HDAC9: variants seen among roughly 807,000 people sequenced by gnomAD.
HDAC9 encodes histone deacetylase 9.
In HDAC9, 41 loss-of-function variants were observed where a neutral mutation model predicts 139.4. The observed-to-expected ratio is 0.29, with a 90% CI of 0.23 to 0.38. The LOEUF (loss-of-function observed/expected upper bound fraction) is 0.38. Among genes scored for constraint, HDAC9 ranks in the 10% least tolerant of loss-of-function variants. HDAC9 has a pLI of 1.00. For missense variants in HDAC9, 1,147 were observed against 1,297.0 expected (o/e 0.88, Z 1.78); for synonymous variants, 517 against 476.2 (o/e 1.09, Z -1.12).
chr7:18,432,752 C>G (rs776003024), intron 1 of HDAC9, among the ~76,000 whole-genome samples: 1 of 152,036 alleles, frequency 6.6e-6, no homozygotes, highest in African/African-American at 2.4e-5. Flanking sequence ...TAGAGACCAT[C>G]CTGGCTAACA....
At chr7:18,470,728 C>T (rs527907253) in intron 1 of HDAC9, among the ~76,000 whole-genome samples, 8 of 152,156 alleles carry the variant, frequency 5.3e-5, no homozygotes, top group East Asian at 1.9e-4. Flanking sequence ...GAAGAATAGG[C>T]GGAAGGTTGA....
intron 1 of HDAC9, among the ~76,000 whole-genome samples, chr7:18,384,782 A>AC (rs974113182): frequency 6.6e-6 from 1 of 151,692 alleles, no homozygotes; most frequent in African/African-American, 2.4e-5. Context: ...AAAAAAAAAA[A>AC]GGTTAAGTTC....
At chr7:18,774,238 T>C (rs1020739866) in intron 16 of HDAC9, among the ~76,000 whole-genome samples, 1 of 152,048 alleles carries the variant, frequency 6.6e-6, no homozygotes, top group Admixed American at 6.6e-5. Context: ...AGAGCATGCA[T>C]TGAGTCATTA....
chr7:18,657,585 G>A (rs1281073757), intron 11 of HDAC9, among the ~76,000 whole-genome samples: 1 of 152,094 alleles, frequency 6.6e-6, no homozygotes, highest in African/African-American at 2.4e-5. Context: ...ATTATGCAGT[G>A]CTATAAAAGA....
At chr7:18,902,304 T>C (rs189203246) in intron 22 of HDAC9, among the ~76,000 whole-genome samples, 1 of 152,162 alleles carries the variant, frequency 6.6e-6, no homozygotes, top group East Asian at 1.9e-4. Context: ...TAGTAAAATA[T>C]GGATTAGGGC....
intron 22 of HDAC9, among the ~76,000 whole-genome samples, chr7:18,904,258 C>T (rs1314927868): frequency 2.0e-5 from 3 of 152,134 alleles, no homozygotes; most frequent in African/African-American, 7.2e-5. Flanking sequence ...ATGAGAGATA[C>T]ATTCTTCTTC....
intron 2 of HDAC9, among the ~76,000 whole-genome samples, chr7:18,168,920 TG>T (rs1788209922): frequency 1.5e-5 from 2 of 135,726 alleles, no homozygotes; most frequent in South Asian, 5.1e-4. Flanking sequence ...TGTGTGTGTG[TG>T]TGTGTGCGCG....
intron 1 of HDAC9, among the ~76,000 whole-genome samples, chr7:18,481,554 A>G (rs1795551716): frequency 6.6e-6 from 1 of 152,218 alleles, no homozygotes; most frequent in South Asian, 2.1e-4. Context: ...TTTGAGTACC[A>G]GGGTATTTTT....
At chr7:18,481,603 A>C (rs772359583) in intron 1 of HDAC9, among the ~76,000 whole-genome samples, 2 of 152,240 alleles carry the variant, frequency 1.3e-5, no homozygotes, top group East Asian at 3.8e-4. Flanking sequence ...AGTATCCATT[A>C]TAATACCTAG....
intron 12 of HDAC9, among the ~76,000 whole-genome samples, chr7:18,681,824 T>C (rs1781911394): frequency 1.3e-5 from 2 of 152,054 alleles, no homozygotes; most frequent in African/African-American, 4.8e-5. Flanking sequence ...CCCCACCCTC[T>C]GACATCTCTT....
chr7:18,839,570 A>G (rs927248682), intron 21 of HDAC9, among the ~76,000 whole-genome samples: 1 of 152,108 alleles, frequency 6.6e-6, no homozygotes, highest in Non-Finnish European at 1.5e-5. Context: ...GAAAGAGGGA[A>G]TAATGTTGTC....
At position 18,990,570 on chromosome 7, in the gene HDAC9, C is replaced by T. The variant is rs545360948; in HGVS notation, c.3171-5453C>T. The stretch of plus-strand genomic sequence containing the variant: ...GCAGGCCTCCTTGAGCTGTGGTGGG[C>T]TCCACCCAGTTTGAGCTTCCAGGCT... On this transcript the variant is annotated intron_variant, in intron 25 of 25. Transcript: ENST00000686413. Among the ~76,000 whole-genome samples, 90 of 152,356 alleles carry T rather than the reference C, an allele frequency of 5.9e-4. 2 individuals carry two copies. Among genetic ancestry groups the T allele is most frequent in the South Asian group, 4.1e-3 (20 of 4,828 alleles).
intron 15 of HDAC9, among the ~76,000 whole-genome samples, chr7:18,766,559 G>C (rs1789849096): frequency 6.6e-6 from 1 of 152,086 alleles, no homozygotes; most frequent in Non-Finnish European, 1.5e-5. Flanking sequence ...CTTGGCTTTA[G>C]CTCTATCTTA....
intron 2 of HDAC9, among the ~76,000 whole-genome samples, chr7:18,218,613 A>T (rs1413514282): frequency 1.3e-5 from 2 of 152,308 alleles, no homozygotes; most frequent in East Asian, 3.9e-4. Context: ...TATCCACCAC[A>T]CACAGAAGGA....
intron 1 of HDAC9, among the ~76,000 whole-genome samples, chr7:18,389,838 G>A (rs1218610193): frequency 1.3e-5 from 2 of 152,110 alleles, no homozygotes; most frequent in African/African-American, 4.8e-5. Context: ...TTCTAAAAAT[G>A]CAGCAAAGGC....
At chr7:18,799,765 A>G (rs1266615370) in intron 17 of HDAC9, among the ~76,000 whole-genome samples, 1 of 152,202 alleles carries the variant, frequency 6.6e-6, no homozygotes, top group Non-Finnish European at 1.5e-5. Flanking sequence ...ACAGAGTTTC[A>G]AAGGTCTGTA....
chr7:18,147,000 T>G (rs1023995093), intron 1 of HDAC9, among the ~76,000 whole-genome samples: 6 of 152,200 alleles, frequency 3.9e-5, no homozygotes, highest in Non-Finnish European at 7.4e-5. Flanking sequence ...TTCCTCAATA[T>G]TTGCATATTT....
intron 1 of HDAC9, among the ~76,000 whole-genome samples, chr7:18,419,489 A>G (rs1014445313): frequency 1.3e-5 from 2 of 151,670 alleles, no homozygotes; most frequent in South Asian, 2.1e-4. Context: ...AAGTGAGAAG[A>G]TAAGTTTTAG....
chr7:18,887,110 C>T (rs953016905), intron 22 of HDAC9, among the ~76,000 whole-genome samples: 5 of 152,088 alleles, frequency 3.3e-5, no homozygotes, highest in Non-Finnish European at 2.9e-5. Context: ...GGGGAATGGA[C>T]GTGCAGCTTC....
Sources: gnomAD v4.1 joint callset for allele counts (sites outside exome capture counted in the v4.1 genomes callset) on GRCh38, gnomAD v4.1.1 for gene constraint, MANE v1.5 for transcripts, NCBI Gene and HGNC (gene_info 2026-07-23, HGNC 2026-07-21) for gene names.